Variants in BABAM2 observed in about 807,000 individuals in gnomAD.
BABAM2 encodes BRISC and BRCA1 A complex member 2.
Under a neutral mutation model 54.7 loss-of-function variants are expected in BABAM2, and 31 were observed. That is an observed-to-expected ratio of 0.57 (90% CI 0.43 to 0.77). The LOEUF (loss-of-function observed/expected upper bound fraction) is 0.77. BABAM2 is among the 30% of genes least tolerant of loss of function. The pLI is 0.00. For missense variants in BABAM2, 364 were observed against 455.8 expected, an observed-to-expected ratio of 0.80 and a Z score of 1.83; for synonymous variants, 167 against 162.9, an observed-to-expected ratio of 1.03 and a Z score of -0.19.
chr2:28,248,320 C>G (rs767759623), intron 10 of BABAM2, among the ~76,000 whole-genome samples: 1 of 146,102 alleles, frequency 6.8e-6, no homozygotes, highest in African/African-American at 2.5e-5. Flanking sequence ...AGCAATTCTC[C>G]TGCCTCAGCC....
chr2:28,187,474 A>C lies in BABAM2; in HGVS notation c.681-49728A>C, dbSNP rs374985023. Among the ~76,000 whole-genome samples, 46 of 152,262 alleles carry C rather than the reference A, an allele frequency of 3.0e-4. No individual in the cohort carries two copies. The East Asian group carries it at 8.5e-3, about 28-fold the overall frequency. On this transcript the variant is annotated intron_variant, in intron 7 of 11. Coordinates refer to ENST00000379624, the MANE Select transcript of BABAM2 (RefSeq NM_199191.3). ...CAGTTCCCCCAACCAGAGTGCTGTA[A>C]AGACAAAGCAGAGTCCCAGGAACAG... is the stretch of plus-strand genomic sequence containing the variant.
intron 6 of BABAM2, among the ~76,000 whole-genome samples, chr2:28,071,017 CTTAATTA>C (rs1664088981): frequency 6.6e-6 from 1 of 152,048 alleles, no homozygotes; most frequent in South Asian, 2.1e-4. Flanking sequence ...CCTCAGTTTT[CTTAATTA>C]TTAAATGAGA....
chr2:28,115,769 T>A (rs545890210), intron 6 of BABAM2, among the ~76,000 whole-genome samples: 50 of 151,838 alleles, frequency 3.3e-4, no homozygotes, highest in African/African-American at 1.0e-3. Context: ...AGTGATGACA[T>A]GGAGTGTGGG....
intron 4 of BABAM2, among the ~76,000 whole-genome samples, chr2:28,002,298 G>C (rs1222662101): frequency 1.3e-5 from 2 of 152,144 alleles, no homozygotes; most frequent in Admixed American, 6.5e-5. Context: ...TCTTGGAATT[G>C]AGACTTGTCT....
At chr2:28,269,530 C>T (rs1685244206) in intron 10 of BABAM2, among the ~76,000 whole-genome samples, 1 of 152,172 alleles carries the variant, frequency 6.6e-6, no homozygotes, top group Admixed American at 6.5e-5. Flanking sequence ...TTGGGAAATA[C>T]CTAGTTGGGA....
At chr2:28,258,615 C>CTTTTTTTTTTTTTTTTTTTTTTTTTTTT (rs70956008) in intron 10 of BABAM2, among the ~76,000 whole-genome samples, 2 of 100,042 alleles carry the variant, frequency 2.0e-5, no homozygotes, top group Non-Finnish European at 3.8e-5. Context: ...TTTTTCTTTT[C>CTTTTTTTTTTTTTTTTTTTTTTTTTTTT]TTTTTTTTTT....
chr2:28,126,180 A>G (rs1484450359), intron 6 of BABAM2, among the ~76,000 whole-genome samples: 1 of 151,832 alleles, frequency 6.6e-6, no homozygotes, highest in East Asian at 1.9e-4. Flanking sequence ...TTTAGGGTAC[A>G]TGTGCACAAT....
At chr2:28,264,521 G>A (rs62139148) in intron 10 of BABAM2, among the ~76,000 whole-genome samples, 25,497 of 152,082 alleles carry the variant, frequency 0.17, 2,267 homozygotes, top group African/African-American at 0.18. Flanking sequence ...AATTGTGGTC[G>A]CAACAAAAGC....
chr2:28,038,043 A>G (rs1215226977), intron 5 of BABAM2, among the ~76,000 whole-genome samples: 1 of 152,246 alleles, frequency 6.6e-6, no homozygotes, highest in Non-Finnish European at 1.5e-5. Flanking sequence ...AGAAATTTAC[A>G]GATTCAAGAA....
At chr2:28,169,771 G>A (rs1289071075) in intron 7 of BABAM2, among the ~76,000 whole-genome samples, 1 of 133,218 alleles carries the variant, frequency 7.5e-6, no homozygotes, top group Non-Finnish European at 1.6e-5. Flanking sequence ...GCAAGACTCT[G>A]TCTCAAAAAA....
At chr2:28,153,568 G>A (rs1672257081) in intron 7 of BABAM2, among the ~76,000 whole-genome samples, 1 of 152,072 alleles carries the variant, frequency 6.6e-6, no homozygotes, top group Non-Finnish European at 1.5e-5. Flanking sequence ...AATTTTTGTT[G>A]AATGTGTTGA....
At chr2:28,233,367 G>GT in intron 7 of BABAM2, 1 of 433,802 alleles carries the variant, frequency 2.3e-6, no homozygotes, top group South Asian at 1.7e-5. Flanking sequence ...TGAGTTTCCT[G>GT]TTGTACATGC....
chr2:27,894,753 C>A, intron 2 of BABAM2, 69 bp downstream of exon 2: 1 of 1,563,176 alleles, frequency 6.4e-7, no homozygotes, highest in Non-Finnish European at 8.7e-7. Flanking sequence ...ACAGCCCTTC[C>A]TTACCAGACT....
intron 11 of BABAM2, among the ~76,000 whole-genome samples, chr2:28,327,909 T>C (rs866986274): frequency 1.1e-4 from 17 of 152,194 alleles, no homozygotes; most frequent in African/African-American, 4.1e-4. Context: ...CAAGATTGAC[T>C]GTGTACATGA....
intron 3 of BABAM2, among the ~76,000 whole-genome samples, chr2:27,959,699 C>T (rs1670334247): frequency 6.6e-6 from 1 of 152,144 alleles, no homozygotes; most frequent in Non-Finnish European, 1.5e-5. Context: ...TTCTGTCTGA[C>T]TTGCGTAATT....
At chr2:28,203,972 C>G (rs1005463689) in intron 7 of BABAM2, among the ~76,000 whole-genome samples, 2 of 152,164 alleles carry the variant, frequency 1.3e-5, no homozygotes, top group Non-Finnish European at 2.9e-5. Flanking sequence ...TTTGTATTAC[C>G]CAAATTTATC....
chr2:28,193,270 A>G (rs1424380930), intron 7 of BABAM2, among the ~76,000 whole-genome samples: 1 of 152,194 alleles, frequency 6.6e-6, no homozygotes, highest in African/African-American at 2.4e-5. Context: ...TGTTCAAGAT[A>G]GAGGCTAATA....
chr2:28,071,531 C>A (rs965276131), intron 6 of BABAM2, among the ~76,000 whole-genome samples: 2 of 152,110 alleles, frequency 1.3e-5, no homozygotes. Context: ...TTGTTTATTG[C>A]GGTGGTAGTA....
chr2:28,091,451 G>T lies in BABAM2; in HGVS notation c.571-37820G>T, dbSNP rs73922224. Reference sequence around the variant, plus strand: ...CCATCTCTGCCTGTGATATCAAAGGGCTGGATGACACTGGAGAACTCATTT... The same window carrying T: ...CCATCTCTGCCTGTGATATCAAAGGTCTGGATGACACTGGAGAACTCATTT... On this transcript the variant is annotated intron_variant, in intron 6 of 11. Coordinates refer to ENST00000379624, the MANE Select transcript of BABAM2 (RefSeq NM_199191.3). Among the ~76,000 whole-genome samples the T allele has an allele frequency of 4.0e-3, 611 of 152,248 alleles. 4 individuals carry two copies. Among genetic ancestry groups the T allele is most frequent in the African/African-American group, 0.014 (566 of 41,524 alleles).
Sources: gnomAD v4.1 joint callset for allele counts (sites outside exome capture counted in the v4.1 genomes callset) on GRCh38, gnomAD v4.1.1 for gene constraint, MANE v1.5 for transcripts, NCBI Gene and HGNC (gene_info 2026-07-23, HGNC 2026-07-21) for gene names.